TADA2A: variants seen among roughly 807,000 people sequenced by gnomAD.
TADA2A encodes the protein transcriptional adaptor 2A, also known as transcriptional adapter 2-alpha.
In TADA2A, 38 loss-of-function variants were observed where a neutral mutation model predicts 67.4. The ratio of observed to expected loss-of-function variants is 0.56; its 90% confidence interval spans 0.44 to 0.74. The LOEUF (loss-of-function observed/expected upper bound fraction) is 0.74. Among genes scored for constraint, TADA2A ranks in the 30% least tolerant of loss-of-function variants. TADA2A has a pLI of 0.00. For missense variants in TADA2A, 454 were observed against 547.0 expected, an observed-to-expected ratio of 0.83 and a Z score of 1.70; for synonymous variants, 192 against 181.6, an observed-to-expected ratio of 1.06 and a Z score of -0.46.
intron 10 of TADA2A, among the ~76,000 whole-genome samples, chr17:37,463,838 A>G (rs1180636164): frequency 3.3e-5 from 5 of 151,952 alleles, no homozygotes; most frequent in Admixed American, 3.3e-4. Context: ...CTGTAGTCCC[A>G]ACTACTCAGG....
At chr17:37,450,121 A>G (rs12602717) in intron 8 of TADA2A, among the ~76,000 whole-genome samples, 33,705 of 152,126 alleles carry the variant, frequency 0.22, 3,991 homozygotes, top group Middle Eastern at 0.35. Flanking sequence ...AAAGTTTACG[A>G]ATTTGTATTG....
intron 7 of TADA2A, among the ~76,000 whole-genome samples, chr17:37,443,254 CTTTTT>C (rs965371949): frequency 1.8e-4 from 25 of 141,462 alleles, no homozygotes; most frequent in Admixed American, 5.7e-4. Context: ...TAGTCTGGTT[CTTTTT>C]TTTTTTTTTT....
intron 4 of TADA2A, 122 bp from the exon 5 acceptor site, chr17:37,437,616 A>G: frequency 1.3e-6 from 1 of 752,250 alleles, no homozygotes; most frequent in South Asian, 1.7e-5. Flanking sequence ...CGAACTCCTG[A>G]CCTCAGGTGA....
At position 37,418,573 on chromosome 17, in the gene TADA2A, A is replaced by G. The variant is rs116404301; in HGVS notation, c.26-4936A>G. ...TTTGTTGTCAAGTGAAAAAACATGT[A>G]TGATATTCCACTTTTTCTTTTTCTT... On this transcript the variant is annotated intron_variant, in intron 2 of 15. Transcript: ENST00000615182. Among the ~76,000 whole-genome samples the G allele has an allele frequency of 7.0e-3, 1,068 of 152,084 alleles. 5 individuals carry two copies. Among genetic ancestry groups the G allele is most frequent in the African/African-American group, 0.024 (997 of 41,504 alleles).
rs767717382 is a variant in TADA2A at position 37,423,545 on chromosome 17, C to G, written c.62C>G (p.Ser21Cys). ...PSDKPPCRGCSSYLMEPYIKC... is the reference protein window; with the variant it reads ...PSDKPPCRGCCSYLMEPYIKC... ...GATAAGCCACCTTGCCGAGGCTGCT[C>G]CTCCTACCTCATGGAGCCTTATATC... The change falls in exon 3 of 16, where the codon TCC becomes TGC. Residue 21 changes from serine (S) to cysteine (C), a missense_variant. This residue lies in a region of TADA2A where 403 missense variants were observed against 455.5 expected (regional missense o/e 0.88). Coordinates refer to ENST00000615182, the MANE Select transcript of TADA2A (RefSeq NM_001166105.3). 17 of 1,612,942 alleles carry G rather than the reference C, an allele frequency of 1.1e-5. No individual in the cohort carries two copies. The highest frequency in any genetic ancestry group is 1.4e-5 in the Non-Finnish European group (16 of 1,179,800).
chr17:37,414,750 C>G (rs2051988165), intron 2 of TADA2A, among the ~76,000 whole-genome samples: 1 of 152,080 alleles, frequency 6.6e-6, no homozygotes, highest in Non-Finnish European at 1.5e-5. Flanking sequence ...ACCCTGGCTC[C>G]CAACATCAAT....
At chr17:37,411,826 A>G (rs1193510943) in intron 2 of TADA2A, among the ~76,000 whole-genome samples, 1 of 151,144 alleles carries the variant, frequency 6.6e-6, no homozygotes, top group Non-Finnish European at 1.5e-5. Context: ...CTCTGATTCT[A>G]AGGGAATTAT....
intron 8 of TADA2A, among the ~76,000 whole-genome samples, chr17:37,447,237 C>T (rs1456398960): frequency 6.6e-6 from 1 of 152,216 alleles, no homozygotes; most frequent in Non-Finnish European, 1.5e-5. Flanking sequence ...TCTTGGCTCA[C>T]TGCAACTTCT....
At chr17:37,468,956 AGTG>A (rs2053726707) in intron 12 of TADA2A, among the ~76,000 whole-genome samples, 1 of 151,564 alleles carries the variant, frequency 6.6e-6, no homozygotes. Flanking sequence ...GCTGGAGTTC[AGTG>A]GTGCCATCTT....
At chr17:37,467,757 G>A (rs9913516) in intron 12 of TADA2A, among the ~76,000 whole-genome samples, 4 of 152,154 alleles carry the variant, frequency 2.6e-5, no homozygotes, top group Non-Finnish European at 5.9e-5. Flanking sequence ...TGCTGCTTTA[G>A]ATTTAGGATT....
intron 4 of TADA2A, among the ~76,000 whole-genome samples, chr17:37,433,446 CCAG>C (rs2052630674): frequency 6.6e-6 from 1 of 152,014 alleles, no homozygotes; most frequent in African/African-American, 2.4e-5. Context: ...TTGTTTGAGT[CCAG>C]GAGTTTGAGA....
intron 8 of TADA2A, among the ~76,000 whole-genome samples, chr17:37,453,539 T>C (rs1204130600): frequency 1.3e-5 from 2 of 152,198 alleles, no homozygotes; most frequent in East Asian, 1.9e-4. Context: ...ATCTGACTTA[T>C]CTGTTCCAAA....
At chr17:37,447,068 T>C (rs938569900) in intron 8 of TADA2A, among the ~76,000 whole-genome samples, 1 of 152,268 alleles carries the variant, frequency 6.6e-6, no homozygotes, top group Non-Finnish European at 1.5e-5. Flanking sequence ...ACTTATGTTA[T>C]TAATCTTTAT....
chr17:37,465,015 C>T (rs533631557), intron 10 of TADA2A, among the ~76,000 whole-genome samples: 1 of 150,874 alleles, frequency 6.6e-6, no homozygotes, highest in African/African-American at 2.4e-5. Context: ...GGTGTAGTGG[C>T]GGGCGCCTGT....
rs141071776 is a variant in TADA2A at position 37,460,693 on chromosome 17, A to G, written c.669-1385A>G. The stretch of plus-strand genomic sequence containing the variant: ...AACATATCAAAAAGTATACATTCAG[A>G]CTTAGAAATTATGGATCTCAGACCT... On this transcript the variant is annotated intron_variant, in intron 9 of 15. Transcript: ENST00000615182. Among the ~76,000 whole-genome samples, 266 of 152,340 alleles carry G rather than the reference A, an allele frequency of 1.7e-3. 1 individual carries two copies. Among genetic ancestry groups the G allele is most frequent in the African/African-American group, 5.5e-3 (229 of 41,580 alleles).
chr17:37,467,524 T>C lies in TADA2A; in HGVS notation c.894T>C (p.Cys298=), dbSNP rs1427405026. ...EYRTAGITNF[C]SARTYDHLKK... ...GGACAGCAGGCATTACCAATTTTTG[T>C]AGTAAGTATGCTTCAGCTACATACC... Residue 298 remains cysteine (C), a splice_region_variant and synonymous_variant, in exon 12 of 16, where the codon TGT becomes TGC. Transcript: ENST00000615182. 1.9e-6 allele frequency: 3 copies of C among 1,612,900 alleles called. No homozygotes were observed. Among genetic ancestry groups the C allele is most frequent in the Non-Finnish European group, 2.5e-6 (3 of 1,179,076 alleles).
Position 37,462,059 on chromosome 17 carries a change from T to C in TADA2A, c.669-19T>C. The C allele has an allele frequency of 6.5e-7, 1 of 1,549,774 alleles. No homozygotes were observed. Among genetic ancestry groups the C allele is most frequent in the Non-Finnish European group, 8.8e-7 (1 of 1,131,888 alleles). On this transcript the variant is annotated intron_variant, in intron 9 of 15. Coordinates refer to ENST00000615182, the MANE Select transcript of TADA2A (RefSeq NM_001166105.3). ...GAAAATAATTCTAATGCACAAATTA[T>C]TGTGGCTTTTCATTCTAGAATTATA...
chr17:37,429,775 G>A (rs1487351153), intron 4 of TADA2A, among the ~76,000 whole-genome samples: 1 of 151,450 alleles, frequency 6.6e-6, no homozygotes, highest in Non-Finnish European at 1.5e-5. Flanking sequence ...ACCAGTTAGA[G>A]TTCTTGGGAG....
intron 2 of TADA2A, among the ~76,000 whole-genome samples, chr17:37,412,433 A>G (rs1456664336): frequency 6.6e-6 from 1 of 152,050 alleles, no homozygotes; most frequent in Non-Finnish European, 1.5e-5. Context: ...ACGGTAGAAT[A>G]ATTTAGAGAA....
Sources: gnomAD v4.1 joint callset for allele counts (sites outside exome capture counted in the v4.1 genomes callset) on GRCh38, gnomAD v4.1.1 for gene constraint, gnomAD v4.1.1 regional missense constraint, MANE v1.5 for transcripts, NCBI Gene and HGNC (gene_info 2026-07-23, HGNC 2026-07-21) for gene names.